Variants in DZIP3 observed in about 807,000 individuals in gnomAD.
The protein encoded by DZIP3 is DAZ interacting zinc finger protein 3, also known as E3 ubiquitin-protein ligase DZIP3.
In DZIP3, 118 loss-of-function variants were observed where a neutral mutation model predicts 162.0. The observed-to-expected ratio is 0.73, with a 90% CI of 0.63 to 0.85. DZIP3 has a LOEUF of 0.85. Ranked by LOEUF, DZIP3 falls within the 40% of genes least tolerant of loss-of-function variation. DZIP3 has a pLI of 0.00. For missense variants in DZIP3, 1,331 were observed against 1,407.0 expected, an observed-to-expected ratio of 0.95 and a Z score of 0.86; for synonymous variants, 438 against 458.6, an observed-to-expected ratio of 0.96 and a Z score of 0.57.
At chr3:108,594,877 C>T (rs1422617124) in intron 1 of DZIP3, among the ~76,000 whole-genome samples, 3 of 151,902 alleles carry the variant, frequency 2.0e-5, no homozygotes, top group Non-Finnish European at 4.4e-5. Context: ...TTCTTCACAG[C>T]AGAAAGTAAA....
chr3:108,670,781 C>T (rs1435848278), intron 22 of DZIP3, among the ~76,000 whole-genome samples: 1 of 151,900 alleles, frequency 6.6e-6, no homozygotes, highest in African/African-American at 2.4e-5. Flanking sequence ...TTCTGATCAA[C>T]ATTTGTTACA....
intron 12 of DZIP3, among the ~76,000 whole-genome samples, chr3:108,640,351 C>G (rs1189164953): frequency 7.3e-6 from 1 of 137,366 alleles, no homozygotes; most frequent in South Asian, 2.3e-4. Flanking sequence ...AATTGTATAT[C>G]TAGAAACTCT....
intron 19 of DZIP3, 33 bp downstream of exon 19, chr3:108,654,343 C>G: frequency 1.9e-6 from 3 of 1,611,494 alleles, no homozygotes; most frequent in Non-Finnish European, 2.5e-6. Flanking sequence ...CCTGCCTTCT[C>G]TTATTGTTAT....
At chr3:108,670,879 T>A (rs1441493172) in intron 22 of DZIP3, among the ~76,000 whole-genome samples, 1 of 151,888 alleles carries the variant, frequency 6.6e-6, no homozygotes, top group African/African-American at 2.4e-5. Flanking sequence ...TCCCACTGAT[T>A]AATTATGTTG....
chr3:108,609,263 A>G (rs1007167530), intron 3 of DZIP3, among the ~76,000 whole-genome samples: 1 of 152,154 alleles, frequency 6.6e-6, no homozygotes, highest in African/African-American at 2.4e-5. Flanking sequence ...TAGGAGGGGA[A>G]AATATATAAA....
At chr3:108,624,407 G>A (rs1345374200) in intron 5 of DZIP3, 37 bp from the exon 6 acceptor site, 2 of 1,198,560 alleles carry the variant, frequency 1.7e-6, no homozygotes, top group East Asian at 2.4e-5. Context: ...AAGTAGCTTA[G>A]TCTAAATAAC....
chr3:108,626,272 A>T (rs960147080), intron 7 of DZIP3, among the ~76,000 whole-genome samples: 2 of 152,158 alleles, frequency 1.3e-5, no homozygotes, highest in Non-Finnish European at 2.9e-5. Flanking sequence ...TAATGTTGTT[A>T]AGCCTTATAT....
chr3:108,653,824 AG>A (rs1239365606), intron 18 of DZIP3, among the ~76,000 whole-genome samples: 1 of 152,036 alleles, frequency 6.6e-6, no homozygotes, highest in East Asian at 1.9e-4. Context: ...TATTTCTGAA[AG>A]TACTGTTTTC....
chr3:108,646,466 T>TAAACG, intron 14 of DZIP3, 151 bp from the exon 15 acceptor site: 1 of 646,582 alleles, frequency 1.5e-6, no homozygotes, highest in Non-Finnish European at 2.8e-6. Context: ...GTGCCTTGTC[T>TAAACG]AAACTGGATT....
intron 19 of DZIP3, among the ~76,000 whole-genome samples, chr3:108,655,204 C>T (rs1943052955): frequency 6.6e-6 from 1 of 152,058 alleles, no homozygotes; most frequent in African/African-American, 2.4e-5. Context: ...TTATTCAAAA[C>T]CCATTTATCA....
chr3:108,676,299 T>G (rs1439848240), intron 25 of DZIP3, among the ~76,000 whole-genome samples: 1 of 151,982 alleles, frequency 6.6e-6, no homozygotes, highest in African/African-American at 2.4e-5. Context: ...GACAATAGAG[T>G]GAGACTCTCT....
intron 26 of DZIP3, among the ~76,000 whole-genome samples, chr3:108,681,294 GA>G (rs1297014421): frequency 6.6e-6 from 1 of 152,044 alleles, no homozygotes; most frequent in Non-Finnish European, 1.5e-5. Flanking sequence ...CTTCTCAAAA[GA>G]AGACATTTAT....
chr3:108,629,600 T>C (rs1941735186), intron 8 of DZIP3, among the ~76,000 whole-genome samples: 3 of 152,130 alleles, frequency 2.0e-5, no homozygotes, highest in Non-Finnish European at 4.4e-5. Flanking sequence ...TTGTTAGCAT[T>C]TTTATTTATA....
chr3:108,624,070 A>G (rs1040115029), intron 5 of DZIP3, among the ~76,000 whole-genome samples: 6 of 152,084 alleles, frequency 3.9e-5, no homozygotes, highest in Admixed American at 6.5e-5. Flanking sequence ...TGATGTTCAA[A>G]CCAGGTAATG....
At chr3:108,620,585 C>T (rs1010392230) in intron 5 of DZIP3, among the ~76,000 whole-genome samples, 8 of 152,188 alleles carry the variant, frequency 5.3e-5, no homozygotes, top group Non-Finnish European at 8.8e-5. Context: ...TCCACCACCA[C>T]AAAAATCTCT....
In DZIP3 at chr3:108,654,205, C is replaced by A; in HGVS notation, c.2094C>A (p.Val698=). ...LRKEQANPHS[V]SRLIKDDASD... is the part of the protein sequence containing the mutation. ...AAGAACAAGCAAATCCACACTCAGTCAGTAGACTTATAAAAGATGATGCAA... is the reference window on the plus strand; with the variant it reads ...AAGAACAAGCAAATCCACACTCAGTAAGTAGACTTATAAAAGATGATGCAA... The change falls in exon 19 of 33, where the codon GTC becomes GTA. Residue 698 remains valine, a synonymous_variant. Coordinates refer to ENST00000361582, the MANE Select transcript of DZIP3 (RefSeq NM_014648.4). The A allele has an allele frequency of 6.2e-7, 1 of 1,613,732 alleles. No homozygotes were observed. The highest frequency in any genetic ancestry group is 1.1e-5 in the South Asian group (1 of 91,048).
chr3:108,631,022 C>T (rs948331071), intron 8 of DZIP3, among the ~76,000 whole-genome samples: 1 of 71,582 alleles, frequency 1.4e-5, no homozygotes. Context: ...CACACACACA[C>T]ACACACACAC....
At chr3:108,616,028 G>A (rs1403275710) in intron 4 of DZIP3, among the ~76,000 whole-genome samples, 4 of 152,174 alleles carry the variant, frequency 2.6e-5, no homozygotes, top group Non-Finnish European at 5.9e-5. Context: ...ACTTTAGGAG[G>A]CCAAGGCAGG....
chr3:108,606,432 A>G (rs1440504365), intron 2 of DZIP3, among the ~76,000 whole-genome samples: 1 of 152,232 alleles, frequency 6.6e-6, no homozygotes, highest in Non-Finnish European at 1.5e-5. Context: ...CTAAGACAAT[A>G]TTTGTGTACC....
Sources: allele counts gnomAD v4.1 joint callset (sites outside exome capture counted in the v4.1 genomes callset), GRCh38; gene constraint gnomAD v4.1.1; transcripts MANE v1.5; gene names NCBI Gene and HGNC (gene_info 2026-07-23, HGNC 2026-07-21).